Variants in IL17RA observed in about 807,000 individuals in gnomAD.
IL17RA encodes the protein interleukin-17 receptor A.
A neutral mutation model predicts 50.4 loss-of-function variants in IL17RA; 34 were observed. The ratio of observed to expected loss-of-function variants is 0.67; its 90% CI spans 0.51 to 0.90. The LOEUF (loss-of-function observed/expected upper bound fraction) is 0.90, where lower values mean the gene tolerates loss of function less well. IL17RA is among the 40% of genes least tolerant of loss of function. The pLI is 0.00. For synonymous variants in IL17RA, 585 were observed against 510.4 expected, an observed-to-expected ratio of 1.15 and a Z score of -1.97; for missense variants, 1,276 against 1,169.8, an observed-to-expected ratio of 1.09 and a Z score of -1.32.
Position 17,109,388 on chromosome 22 carries a change from C to T in IL17RA, c.2169C>T (p.Pro723=). ...GCGTCCTCTTCCTCCCCGTGGACCC[C>T]GAGGACTCGCCCCTTGGCAGCAGCA... is the stretch of plus-strand genomic sequence containing the variant. ...RNSVLFLPVD[P]EDSPLGSSTP... is the part of the protein sequence containing the mutation. The change falls in exon 13 of 13, where the codon CCC becomes CCT. Residue 723 remains proline, a synonymous_variant. Coordinates refer to ENST00000319363, the MANE Select transcript of IL17RA (RefSeq NM_014339.7). 1 of 1,612,588 alleles carries T rather than the reference C, an allele frequency of 6.2e-7. No homozygotes were observed.
At chr22:17,090,647 T>C (rs1246758034) in intron 1 of IL17RA, among the ~76,000 whole-genome samples, 1 of 152,240 alleles carries the variant, frequency 6.6e-6, no homozygotes, top group Non-Finnish European at 1.5e-5. Flanking sequence ...TTAGATATTA[T>C]CTATTGACTT....
At chr22:17,094,652 A>ACTCTCTCTCTCTCTCT (rs1307011752) in intron 1 of IL17RA, among the ~76,000 whole-genome samples, 4 of 17,764 alleles carry the variant, frequency 2.3e-4, no homozygotes, top group African/African-American at 1.2e-3. Flanking sequence ...TTAGTCATAC[A>ACTCTCTCTCTCTCTCT]CACACTCTCT....
At chr22:17,094,664 T>TCTCTCTCTCTCTCTCC (rs2061359832) in intron 1 of IL17RA, among the ~76,000 whole-genome samples, 1 of 37,992 alleles carries the variant, frequency 2.6e-5, no homozygotes, top group Non-Finnish European at 5.2e-5. Context: ...ACACTCTCTC[T>TCTCTCTCTCTCTCTCC]CTCTCTCTCT....
Position 17,109,468 on chromosome 22 carries a change from G to T in IL17RA, c.2249G>T (p.Gly750Val). 1 of 1,612,818 alleles carries T rather than the reference G, an allele frequency of 6.2e-7. No individual in the cohort carries two copies. The change falls in exon 13 of 13, where the codon GGC becomes GTC. Residue 750 changes from glycine to valine, a missense_variant. By Grantham distance (109) the Gly-to-Val change is moderately radical. Coordinates refer to ENST00000319363, the MANE Select transcript of IL17RA (RefSeq NM_014339.7). ...LPEDVREHLE[G>V]LMLSLFEQSL... The stretch of plus-strand genomic sequence containing the variant: ...GAGGACGTGAGGGAGCACCTCGAAG[G>T]CTTGATGCTCTCGCTCTTCGAGCAG...
intron 11 of IL17RA, among the ~76,000 whole-genome samples, chr22:17,106,749 AAG>A (rs2061416529): frequency 6.6e-6 from 1 of 152,200 alleles, no homozygotes; most frequent in Non-Finnish European, 1.5e-5. Context: ...ATGTGGTAGA[AAG>A]AAAACCAGCC....
rs2061407304 is a variant in IL17RA at position 17,104,786 on chromosome 22, T to C, written c.907T>C (p.Cys303Arg). 1 of 1,614,110 alleles carries C rather than the reference T, an allele frequency of 6.2e-7. No homozygotes were observed. The highest frequency in any genetic ancestry group is 8.5e-7 in the Non-Finnish European group (1 of 1,179,956). Residue 303 changes from cysteine (C) to arginine (R), a missense_variant, in exon 9 of 13, where the codon TGC (cysteine) becomes CGC (arginine). Transcript: ENST00000319363. ...DCLRHSATVS[C>R]PEMPDTPEPI... is the part of the protein sequence containing the mutation. ...CCTCAGACACTCCGCGACTGTTTCC[T>C]GCCCAGAAATGCCAGACACTCCAGG...
chr22:17,088,831 T>C (rs2061337858), intron 1 of IL17RA, among the ~76,000 whole-genome samples: 1 of 151,232 alleles, frequency 6.6e-6, no homozygotes. Flanking sequence ...GGTCTCACTC[T>C]GTCATCCAGA....
chr22:17,094,113 A>C (rs1390999164), intron 1 of IL17RA, among the ~76,000 whole-genome samples: 1 of 152,000 alleles, frequency 6.6e-6, no homozygotes, highest in Non-Finnish European at 1.5e-5. Context: ...CCTCTCAAAT[A>C]GCTGGGACTA....
At chr22:17,096,976 A>T (rs937314161) in intron 1 of IL17RA, 86 bp from the exon 2 acceptor site, 117 of 1,227,344 alleles carry the variant, frequency 9.5e-5, no homozygotes, top group Non-Finnish European at 1.4e-4. Flanking sequence ...GGCATTCCTG[A>T]GAATGAGCCA....
At chr22:17,088,143 T>G (rs778641053) in intron 1 of IL17RA, among the ~76,000 whole-genome samples, 2 of 152,098 alleles carry the variant, frequency 1.3e-5, no homozygotes, top group East Asian at 3.9e-4. Flanking sequence ...AGCTAATGAG[T>G]GCTAAGGTGA....
At chr22:17,104,608 C>T (rs2061406184) in intron 8 of IL17RA, 118 bp from the exon 9 acceptor site, 1 of 885,898 alleles carries the variant, frequency 1.1e-6, no homozygotes, top group Non-Finnish European at 1.8e-6. Context: ...AGATGATGGT[C>T]ACCTGGAGAT....
intron 10 of IL17RA, 117 bp downstream of exon 10, chr22:17,105,719 G>GC (rs201611352): frequency 7.6e-5 from 104 of 1,371,362 alleles, no homozygotes; most frequent in Middle Eastern, 6.4e-4. Flanking sequence ...CCAGCCCGGG[G>GC]TGGGGGGTGA....
Position 17,109,347 on chromosome 22 carries a change from G to A in IL17RA, c.2128G>A (p.Gly710Ser), listed in dbSNP as rs1223546319. 1.1e-5 allele frequency: 17 copies of A among 1,590,282 alleles called. No homozygotes were observed. In the Admixed American group the frequency reaches 2.7e-4, roughly 26 times the overall value. The change falls in exon 13 of 13, where the codon GGC (glycine) becomes AGC (serine). Residue 710 changes from glycine to serine, a missense_variant. By Grantham distance (56) the Gly-to-Ser change is moderately conservative (BLOSUM62 0). Coordinates refer to ENST00000319363, the MANE Select transcript of IL17RA (RefSeq NM_014339.7). ...GEACPLLGSPGAGRNSVLFLP... is the reference protein window; with the variant it reads ...GEACPLLGSPSAGRNSVLFLP... ...GGCCTGCCCGCTGCTGGGCAGCCCG[G>A]GCGCTGGGCGAAATAGCGTCCTCTT...
rs1197332033 is a variant in IL17RA, at chr22:17,095,767, T to G, written c.139-1295T>G. ...GCGGAGCCCCCTAGTGGGGTGGTGA[T>G]GCTAGCCCGGGACCTGTAGGGGAGA... On this transcript the variant is annotated intron_variant, in intron 1 of 12. Transcript: ENST00000319363. 2.6e-5 allele frequency among the ~76,000 whole-genome samples: 4 copies of G among 152,156 alleles called. No individual in the cohort carries two copies. In the East Asian group the frequency reaches 5.8e-4, roughly 22 times the overall value.
At chr22:17,104,642 C>T in intron 8 of IL17RA, 84 bp from the exon 9 acceptor site, 3 of 1,240,138 alleles carry the variant, frequency 2.4e-6, no homozygotes, top group Non-Finnish European at 3.5e-6. Context: ...GCCAGGATCC[C>T]CTCCTCTCAC....
intron 2 of IL17RA, 153 bp downstream of exon 2, chr22:17,097,239 G>A (rs557451765): frequency 2.5e-4 from 184 of 734,130 alleles, no homozygotes; most frequent in South Asian, 2.5e-3. Flanking sequence ...TTGTGGATGC[G>A]TGCACCTGCG....
chr22:17,098,887 G>A lies in IL17RA; in HGVS notation c.423G>A (p.Arg141=), dbSNP rs1438072530. 1.2e-6 allele frequency: 2 copies of A among 1,612,472 alleles called. No homozygotes were observed. Among genetic ancestry groups the A allele is most frequent in the South Asian group, 1.1e-5 (1 of 91,048 alleles). Residue 141 remains arginine, a splice_region_variant and synonymous_variant, in exon 4 of 13, where the codon CGG becomes CGA. Transcript: ENST00000319363. ...CCAAACTGAGGCATCACCACAGGCGGGTAAGAACACAGCTCCTGAGTGGAT... is the reference window on the plus strand; with the variant it reads ...CCAAACTGAGGCATCACCACAGGCGAGTAAGAACACAGCTCCTGAGTGGAT... ...FLSKLRHHHR[R]WRFTFSHFVV... is the part of the protein sequence containing the mutation.
chr22:17,108,785 G>C lies in IL17RA; in HGVS notation c.1566G>C (p.Arg522=), dbSNP rs760044887. 3.1e-6 allele frequency: 5 copies of C among 1,608,032 alleles called. No individual in the cohort carries two copies. Among genetic ancestry groups the C allele is most frequent in the Non-Finnish European group, 4.2e-6 (5 of 1,177,466 alleles). The change falls in exon 13 of 13, where the codon CGG becomes CGC. Residue 522 remains arginine (R), a synonymous_variant. Coordinates refer to ENST00000319363, the MANE Select transcript of IL17RA (RefSeq NM_014339.7). Reference sequence around the variant, plus strand: ...CCGACCTGTTCGGCGCGGCGCCGCGGTACCCGCTCATGGACAGGTTCGAGG... The same window carrying C: ...CCGACCTGTTCGGCGCGGCGCCGCGCTACCCGCTCATGGACAGGTTCGAGG... ...DVPDLFGAAP[R]YPLMDRFEEV... is the part of the protein sequence containing the mutation.
In IL17RA at chr22:17,097,910, G is replaced by A. The variant is rs147495146; in HGVS notation, c.277G>A (p.Val93Met). The A allele has an allele frequency of 8.5e-5, 138 of 1,614,162 alleles. No individual in the cohort carries two copies. The African/African-American group carries it at 1.5e-3, about 18-fold the overall frequency. ...AHTQQGDLFPVAHIEWTLQTD... is the reference protein window; with the variant it reads ...AHTQQGDLFPMAHIEWTLQTD... ...CACCCAACAAGGAGACCTGTTCCCC[G>A]TGGCTCACATCGAATGGACACTGCA... Residue 93 changes from valine (V) to methionine (M), a missense_variant, in exon 3 of 13, where the codon GTG (valine) becomes ATG (methionine). Val to Met is a conservative substitution (Grantham distance 21, BLOSUM62 1). Coordinates refer to ENST00000319363, the MANE Select transcript of IL17RA (RefSeq NM_014339.7).
Sources: allele counts gnomAD v4.1 joint callset (sites outside exome capture counted in the v4.1 genomes callset), GRCh38; gene constraint gnomAD v4.1.1; transcripts MANE v1.5; gene names NCBI Gene and HGNC (gene_info 2026-07-23, HGNC 2026-07-21).